PRDM15: variants seen among roughly 807,000 people sequenced by gnomAD.
The protein encoded by PRDM15 is PR/SET domain 15, also known as PR domain zinc finger protein 15.
PRDM15 carries 64 observed loss-of-function variants against 128.6 expected under a neutral mutation model. The observed-to-expected ratio is 0.50, with a 90% CI of 0.41 to 0.61. The LOEUF (loss-of-function observed/expected upper bound fraction) is 0.61, where lower values mean the gene tolerates loss of function less well. PRDM15 is among the 20% of genes least tolerant of loss of function. PRDM15 has a pLI of 0.00. For synonymous variants in PRDM15, 615 were observed against 621.8 expected (o/e 0.99, Z 0.16); for missense variants, 1,242 against 1,569.1 (o/e 0.79, Z 3.52).
At chr21:41,818,505 G>C (rs954719175) in intron 18 of PRDM15, among the ~76,000 whole-genome samples, 6 of 152,198 alleles carry the variant, frequency 3.9e-5, no homozygotes. Context: ...TACCCTGGAG[G>C]AGGGGCAAGA....
chr21:41,836,021 ATTCT>A (rs1251806570), intron 10 of PRDM15, 88 bp downstream of exon 10: 4 of 400,132 alleles, frequency 1.0e-5, no homozygotes, highest in Admixed American at 9.5e-5. Flanking sequence ...CCCTCCTGGG[ATTCT>A]TTCTTCTCAT....
At position 41,822,592 on chromosome 21, in the gene PRDM15, G is replaced by A. The variant is rs576978807; in HGVS notation, c.1762-555C>T. 9.2e-5 allele frequency among the ~76,000 whole-genome samples: 14 copies of A among 152,306 alleles called. No homozygotes were observed. In the South Asian group the frequency reaches 2.7e-3, roughly 29 times the overall value. On this transcript the variant is annotated intron_variant, in intron 14 of 23. Transcript: ENST00000398548. The stretch of plus-strand genomic sequence containing the variant: ...AATTCATTTTGGAGAGATAAAATGC[G>A]ACCAGTTGTCAACTATTTGAGGACG...
chr21:41,823,200 C>G, intron 14 of PRDM15, 118 bp downstream of exon 14: 1 of 1,304,466 alleles, frequency 7.7e-7, no homozygotes, highest in Non-Finnish European at 1.1e-6. Context: ...CCGTGAGCAG[C>G]ACATGTCTGC....
At position 41,820,017 on chromosome 21, in the gene PRDM15, A is replaced by G. The variant is rs564487050; in HGVS notation, c.2140+78T>C. ...GGTGCGACGGCTCTGTGTGTAGAATACGCGGAGACCCCCAGCATCCCTCCC... is the reference window on the plus strand; with the variant it reads ...GGTGCGACGGCTCTGTGTGTAGAATGCGCGGAGACCCCCAGCATCCCTCCC... On this transcript the variant is annotated intron_variant, in intron 17 of 23. Coordinates refer to ENST00000398548, the MANE Select transcript of PRDM15 (RefSeq NM_001040424.3). 11 of 1,216,268 alleles carry G rather than the reference A, an allele frequency of 9.0e-6. No individual in the cohort carries two copies. In the East Asian group the frequency reaches 2.4e-4, roughly 26 times the overall value. 75.3% of individuals were successfully genotyped at this position (1,216,268 alleles called of 1,614,324 possible).
chr21:41,865,633 C>T (rs1234407776), intron 1 of PRDM15, among the ~76,000 whole-genome samples: 1 of 152,224 alleles, frequency 6.6e-6, no homozygotes, highest in Non-Finnish European at 1.5e-5. Context: ...ACCTTGCTCC[C>T]TTCAATTACT....
At position 41,820,129 on chromosome 21, in the gene PRDM15, G is replaced by A. The variant is rs376433017; in HGVS notation, c.2106C>T (p.Ile702=). 25 of 1,613,660 alleles carry A rather than the reference G, an allele frequency of 1.5e-5. No homozygotes were observed. Among genetic ancestry groups the A allele is most frequent in the Admixed American group, 5.0e-5 (3 of 59,972 alleles). The change falls in exon 17 of 24, where the codon ATC becomes ATT. Residue 702 remains isoleucine (I), a synonymous_variant. Coordinates refer to ENST00000398548, the MANE Select transcript of PRDM15 (RefSeq NM_001040424.3). ...TGAGCTTGTGGCGCTCCAGGTTCCC[G>A]ATGCTGTTGAAGATCCGCCCGCAGA... is the stretch of plus-strand genomic sequence containing the variant. ...CEICGRIFNS[I]GNLERHKLIH... is the part of the protein sequence containing the mutation.
intron 21 of PRDM15, among the ~76,000 whole-genome samples, chr21:41,807,271 G>A (rs2061710527): frequency 6.6e-6 from 1 of 152,192 alleles, no homozygotes; most frequent in Non-Finnish European, 1.5e-5. Context: ...ACCATAGCTT[G>A]GAGTCATAAA....
In PRDM15 at chr21:41,838,686, T is replaced by C. The variant is rs78905274; in HGVS notation, c.872-623A>G. Among the ~76,000 whole-genome samples, 16 of 152,338 alleles carry C rather than the reference T, an allele frequency of 1.1e-4. No homozygotes were observed. In the East Asian group the frequency reaches 2.9e-3, roughly 28 times the overall value. On this transcript the variant is annotated intron_variant, in intron 7 of 23. Coordinates refer to ENST00000398548, the MANE Select transcript of PRDM15 (RefSeq NM_001040424.3). ...CCCCCGCCCCCATCTTCTCTGCCTATTCACAGAGACCTGGGGAAACTGGCC... is the reference window on the plus strand; with the variant it reads ...CCCCCGCCCCCATCTTCTCTGCCTACTCACAGAGACCTGGGGAAACTGGCC...
intron 23 of PRDM15, among the ~76,000 whole-genome samples, 154 bp downstream of exon 23, chr21:41,802,558 T>C (rs1048051409): frequency 6.6e-6 from 1 of 152,194 alleles, no homozygotes; most frequent in South Asian, 2.1e-4. Flanking sequence ...TGAAACATGC[T>C]TAAGTGAAAA....
chr21:41,852,749 C>T (rs2063468658), intron 5 of PRDM15, among the ~76,000 whole-genome samples: 1 of 152,208 alleles, frequency 6.6e-6, no homozygotes, highest in African/African-American at 2.4e-5. Context: ...AGCAGCATCC[C>T]CAGCGGCCCC....
rs192242858 is a variant in PRDM15, at chr21:41,852,854, A to G, written c.538+1712T>C. Reference sequence around the variant, plus strand: ...CACCTTTGGGAGAGGATGTGTGCAGATGTCATCAAGTTAAGGTGAGGTCAT... The same window carrying G: ...CACCTTTGGGAGAGGATGTGTGCAGGTGTCATCAAGTTAAGGTGAGGTCAT... On this transcript the variant is annotated intron_variant, in intron 5 of 23. Transcript: ENST00000398548. 1.7e-3 allele frequency among the ~76,000 whole-genome samples: 261 copies of G among 152,320 alleles called. 1 individual carries two copies. Among genetic ancestry groups the G allele is most frequent in the African/African-American group, 5.7e-3 (238 of 41,566 alleles).
chr21:41,856,426 T>C (rs2063637146), intron 4 of PRDM15, among the ~76,000 whole-genome samples: 1 of 151,472 alleles, frequency 6.6e-6, no homozygotes, highest in African/African-American at 2.4e-5. Flanking sequence ...CATCTGCCTG[T>C]CCTAAGACAA....
At chr21:41,806,464 C>A in intron 21 of PRDM15, among the ~76,000 whole-genome samples, 1 of 118,198 alleles carries the variant, frequency 8.5e-6, no homozygotes, top group Non-Finnish European at 1.7e-5. Context: ...ATCACCATCA[C>A]CACCAGCACC....
At chr21:41,835,019 A>AG (rs2062824663) in intron 11 of PRDM15, among the ~76,000 whole-genome samples, 1 of 152,200 alleles carries the variant, frequency 6.6e-6, no homozygotes, top group South Asian at 2.1e-4. Flanking sequence ...TGGATGGAGG[A>AG]GGGCTCGCGG....
At chr21:41,848,841 C>A (rs890980734) in intron 5 of PRDM15, among the ~76,000 whole-genome samples, 3 of 152,016 alleles carry the variant, frequency 2.0e-5, no homozygotes, top group African/African-American at 7.3e-5. Context: ...CAGGGTTTTC[C>A]GAATAGTAAT....
chr21:41,878,198 T>A (rs1315006347), intron 1 of PRDM15, among the ~76,000 whole-genome samples: 2 of 152,240 alleles, frequency 1.3e-5, no homozygotes, highest in Non-Finnish European at 2.9e-5. Context: ...CAAATTCACT[T>A]GAGTCTGGCT....
intron 17 of PRDM15, 167 bp downstream of exon 17, chr21:41,819,927 GT>G (rs2062192269): frequency 1.3e-6 from 1 of 774,014 alleles, no homozygotes; most frequent in African/African-American, 1.7e-5. Context: ...GCGCTGGGCT[GT>G]GAGTGGCAGG....
chr21:41,872,480 A>G (rs2064246901), intron 1 of PRDM15, among the ~76,000 whole-genome samples: 1 of 152,206 alleles, frequency 6.6e-6, no homozygotes, highest in African/African-American at 2.4e-5. Context: ...GAACTTAAAC[A>G]ACTTCATTAT....
At chr21:41,803,798 A>G (rs1029500866) in intron 22 of PRDM15, among the ~76,000 whole-genome samples, 1 of 152,152 alleles carries the variant, frequency 6.6e-6, no homozygotes, top group African/African-American at 2.4e-5. Flanking sequence ...CGAGAGGCAT[A>G]CATGTGATCT....
Sources: gnomAD v4.1 joint callset for allele counts (sites outside exome capture counted in the v4.1 genomes callset) on GRCh38, gnomAD v4.1.1 for gene constraint, MANE v1.5 for transcripts, NCBI Gene and HGNC (gene_info 2026-07-23, HGNC 2026-07-21) for gene names.